NRXN3: variants seen among roughly 807,000 people sequenced by gnomAD.
The protein encoded by NRXN3 is neurexin III.
NRXN3 carries 32 observed loss-of-function variants against 137.6 expected under a neutral mutation model. That is an observed-to-expected ratio of 0.23 (90% CI 0.18 to 0.31). The LOEUF (loss-of-function observed/expected upper bound fraction) is 0.31, where lower values mean the gene tolerates loss of function less well. NRXN3 is among the 10% of genes least tolerant of loss of function. NRXN3 has a pLI of 1.00. For synonymous variants in NRXN3, 798 were observed against 784.5 expected (o/e 1.02, Z -0.29); for missense variants, 1,574 against 2,062.5 (o/e 0.76, Z 4.59).
At chr14:78,840,801 TA>T (rs1272100741) in intron 10 of NRXN3, among the ~76,000 whole-genome samples, 3 of 152,170 alleles carry the variant, frequency 2.0e-5, no homozygotes, top group Non-Finnish European at 2.9e-5. Context: ...AGTAAAACAG[TA>T]AAGAAACACT....
chr14:79,795,000 T>C (rs1451758251), intron 19 of NRXN3, among the ~76,000 whole-genome samples: 1 of 152,186 alleles, frequency 6.6e-6, no homozygotes, highest in East Asian at 1.9e-4. Flanking sequence ...GAGCAGAGCA[T>C]ACAACCTAAC....
intron 4 of NRXN3, among the ~76,000 whole-genome samples, chr14:78,506,291 T>C (rs1222177474): frequency 6.6e-6 from 1 of 152,106 alleles, no homozygotes; most frequent in Non-Finnish European, 1.5e-5. Flanking sequence ...AATGATAGGA[T>C]TTCCTTCTTT....
At chr14:78,782,089 G>A (rs913948311) in intron 8 of NRXN3, among the ~76,000 whole-genome samples, 5 of 152,170 alleles carry the variant, frequency 3.3e-5, no homozygotes, top group Admixed American at 1.3e-4. Context: ...GGGCTTCCCC[G>A]GGGGTCTGCC....
chr14:79,845,328 A>C (rs2099364833), intron 20 of NRXN3, among the ~76,000 whole-genome samples: 1 of 152,256 alleles, frequency 6.6e-6, no homozygotes, highest in Admixed American at 6.5e-5. Context: ...TTCACAACTC[A>C]GCCAACTGTT....
intron 1 of NRXN3, among the ~76,000 whole-genome samples, chr14:78,193,055 T>A (rs748315031): frequency 3.3e-5 from 5 of 152,142 alleles, no homozygotes; most frequent in African/African-American, 4.8e-5. Flanking sequence ...AATTCTGAGA[T>A]AGTGGATATT....
At chr14:78,473,401 CAAAA>C (rs34856071) in intron 4 of NRXN3, among the ~76,000 whole-genome samples, 2 of 117,636 alleles carry the variant, frequency 1.7e-5, no homozygotes, top group Non-Finnish European at 1.8e-5. Context: ...GACTCTGTCT[CAAAA>C]AAAAAAAAAA....
chr14:79,522,143 T>G (rs1458276819), intron 16 of NRXN3, among the ~76,000 whole-genome samples: 1 of 152,130 alleles, frequency 6.6e-6, no homozygotes, highest in Non-Finnish European at 1.5e-5. Context: ...ATCATGGTAC[T>G]TCTGTGGAAC....
intron 15 of NRXN3, among the ~76,000 whole-genome samples, chr14:79,135,656 A>G (rs542447327): frequency 6.6e-6 from 1 of 152,348 alleles, no homozygotes; most frequent in African/African-American, 2.4e-5. Flanking sequence ...GTTGACTCTC[A>G]TTTGAATTAT....
intron 4 of NRXN3, among the ~76,000 whole-genome samples, chr14:78,417,797 C>T (rs1196926215): frequency 5.9e-5 from 9 of 152,156 alleles, no homozygotes. Context: ...ACTCTTGTCC[C>T]CCAGGCTGGA....
chr14:79,256,554 C>T (rs1012863599), intron 15 of NRXN3, among the ~76,000 whole-genome samples: 9 of 152,166 alleles, frequency 5.9e-5, no homozygotes, highest in Non-Finnish European at 1.2e-4. Context: ...AGAGAGACTA[C>T]TAAATATCAA....
chr14:78,724,538 C>A (rs1178668684), intron 8 of NRXN3, among the ~76,000 whole-genome samples: 26 of 151,690 alleles, frequency 1.7e-4, no homozygotes, highest in Admixed American at 1.7e-3. Context: ...AATGAGTGGT[C>A]AATAGAATAG....
chr14:79,165,636 G>T (rs1252210983), intron 15 of NRXN3, among the ~76,000 whole-genome samples: 1 of 151,998 alleles, frequency 6.6e-6, no homozygotes, highest in East Asian at 1.9e-4. Flanking sequence ...TCCTTGAAGA[G>T]AGATGACTGC....
chr14:79,714,283 A>G (rs145532563), intron 19 of NRXN3, among the ~76,000 whole-genome samples: 121 of 152,338 alleles, frequency 7.9e-4, no homozygotes, highest in African/African-American at 2.8e-3. Flanking sequence ...TACACTAGGT[A>G]CAAGCTACAT....
chr14:79,209,715 G>A (rs1229032535), intron 15 of NRXN3, among the ~76,000 whole-genome samples: 1 of 152,088 alleles, frequency 6.6e-6, no homozygotes, highest in African/African-American at 2.4e-5. Flanking sequence ...TTATACCAGC[G>A]ATTTTATCAC....
intron 15 of NRXN3, among the ~76,000 whole-genome samples, chr14:79,019,056 A>C (rs1389276418): frequency 3.3e-5 from 5 of 152,176 alleles, no homozygotes; most frequent in Admixed American, 3.3e-4. Flanking sequence ...GATATCTAGC[A>C]TGACTCATTA....
Position 79,057,308 on chromosome 14 carries a change from G to A in NRXN3, c.3262+69167G>A, listed in dbSNP as rs373988047. 5.3e-5 allele frequency among the ~76,000 whole-genome samples: 8 copies of A among 152,324 alleles called. No individual in the cohort carries two copies. In the East Asian group the frequency reaches 5.8e-4, roughly 11 times the overall value. Reference sequence around the variant, plus strand: ...GAGTTCATAAGGAGTGATCAAATACGTAAGGTGATAATTGTGGATATGTTT... The same window carrying A: ...GAGTTCATAAGGAGTGATCAAATACATAAGGTGATAATTGTGGATATGTTT... On this transcript the variant is annotated intron_variant, in intron 15 of 20. Coordinates refer to ENST00000335750, the MANE Select transcript of NRXN3 (RefSeq NM_001330195.2).
chr14:78,437,357 T>G (rs1401287178), intron 4 of NRXN3, among the ~76,000 whole-genome samples: 1 of 151,726 alleles, frequency 6.6e-6, no homozygotes, highest in African/African-American at 2.4e-5. Context: ...CTTTTTTTTT[T>G]TTTATTTTTG....
intron 15 of NRXN3, among the ~76,000 whole-genome samples, chr14:79,455,387 T>C (rs1449085685): frequency 6.6e-6 from 1 of 152,202 alleles, no homozygotes; most frequent in Non-Finnish European, 1.5e-5. Flanking sequence ...TGCAGTCCAT[T>C]TCATGAAGAT....
At chr14:79,392,479 A>G (rs2094880672) in intron 15 of NRXN3, among the ~76,000 whole-genome samples, 1 of 152,196 alleles carries the variant, frequency 6.6e-6, no homozygotes, top group African/African-American at 2.4e-5. Context: ...TTATAGTAGG[A>G]TGATTTATAA....
Sources: allele counts gnomAD v4.1 joint callset (sites outside exome capture counted in the v4.1 genomes callset), GRCh38; gene constraint gnomAD v4.1.1; transcripts MANE v1.5; gene names NCBI Gene and HGNC (gene_info 2026-07-23, HGNC 2026-07-21).